NAV2: variants seen among roughly 807,000 people sequenced by gnomAD.
NAV2 encodes the protein neuron navigator 2.
Under a neutral mutation model 223.2 loss-of-function variants are expected in NAV2, and 54 were observed. That is an observed-to-expected ratio of 0.24 (90% CI 0.19 to 0.30). NAV2 has a LOEUF of 0.30. NAV2 is among the 10% of genes least tolerant of loss of function. NAV2 has a pLI of 1.00. For synonymous variants in NAV2, 1,279 were observed against 1,239.3 expected, an observed-to-expected ratio of 1.03 and a Z score of -0.67; for missense variants, 2,806 against 3,147.5, an observed-to-expected ratio of 0.89 and a Z score of 2.60.
At chr11:19,353,556 A>AG (rs1288062659) in intron 1 of NAV2, among the ~76,000 whole-genome samples, 1 of 152,238 alleles carries the variant, frequency 6.6e-6, no homozygotes, top group Non-Finnish European at 1.5e-5. Context: ...TTTTCAACAT[A>AG]GGACAATGGG....
intron 1 of NAV2, chr11:19,760,014 G>T: frequency 6.5e-6 from 1 of 154,116 alleles, no homozygotes; most frequent in Middle Eastern, 5.5e-4. Flanking sequence ...CAAATACATA[G>T]GTGTTATCCT....
intron 1 of NAV2, among the ~76,000 whole-genome samples, chr11:19,701,372 G>T (rs1187421757): frequency 6.6e-6 from 1 of 152,184 alleles, no homozygotes; most frequent in African/African-American, 2.4e-5. Flanking sequence ...TCGGCCAGCC[G>T]CCTTTGAAAA....
At chr11:19,394,026 G>A (rs1849352508) in intron 1 of NAV2, among the ~76,000 whole-genome samples, 1 of 151,712 alleles carries the variant, frequency 6.6e-6, no homozygotes, top group Non-Finnish European at 1.5e-5. Flanking sequence ...AGAGGCAGCA[G>A]TGTTGAAGAC....
chr11:19,765,881 C>A (rs1396372680), intron 1 of NAV2, among the ~76,000 whole-genome samples: 1 of 152,126 alleles, frequency 6.6e-6, no homozygotes, highest in African/African-American at 2.4e-5. Flanking sequence ...CACTCCACCC[C>A]AAGGACATGC....
intron 37 of NAV2, among the ~76,000 whole-genome samples, chr11:20,117,756 T>C (rs1466502746): frequency 6.6e-6 from 1 of 152,218 alleles, no homozygotes; most frequent in Non-Finnish European, 1.5e-5. Context: ...GGGCTAGGCC[T>C]GAAAGGTGTG....
intron 10 of NAV2, among the ~76,000 whole-genome samples, chr11:19,975,029 C>T (rs895445049): frequency 6.6e-6 from 1 of 152,218 alleles, no homozygotes; most frequent in African/African-American, 2.4e-5. Context: ...CATCTCCTTT[C>T]ACCATCTGTT....
At chr11:20,011,739 G>A (rs761065003) in intron 11 of NAV2, among the ~76,000 whole-genome samples, 1 of 152,230 alleles carries the variant, frequency 6.6e-6, no homozygotes, top group Non-Finnish European at 1.5e-5. Flanking sequence ...AGTACAGCAT[G>A]AGCATTTTTC....
intron 3 of NAV2, among the ~76,000 whole-genome samples, 182 bp from the exon 4 acceptor site, chr11:19,868,743 A>G (rs992691205): frequency 6.6e-6 from 1 of 152,172 alleles, no homozygotes; most frequent in African/African-American, 2.4e-5. Context: ...TTTTGGCACT[A>G]TGTGGTTGGG....
At chr11:19,858,837 G>A (rs1186172160) in intron 3 of NAV2, among the ~76,000 whole-genome samples, 1 of 152,190 alleles carries the variant, frequency 6.6e-6, no homozygotes, top group African/African-American at 2.4e-5. Context: ...ACAAGTCTCA[G>A]AGTGTCTCAC....
intron 36 of NAV2, among the ~76,000 whole-genome samples, chr11:20,112,161 T>G (rs2153721714): frequency 6.6e-6 from 1 of 152,320 alleles, no homozygotes; most frequent in South Asian, 2.1e-4. Flanking sequence ...AGCAGCCTTC[T>G]TCTGCTCCAA....
chr11:19,526,872 G>A (rs2043857428), intron 1 of NAV2, among the ~76,000 whole-genome samples: 1 of 152,162 alleles, frequency 6.6e-6, no homozygotes, highest in Non-Finnish European at 1.5e-5. Context: ...TGTACCCACA[G>A]ACCTTGGGAG....
intron 11 of NAV2, chr11:20,023,010 C>T (rs1175185581): frequency 2.7e-6 from 4 of 1,509,114 alleles, no homozygotes; most frequent in East Asian, 4.9e-5. Flanking sequence ...TTCCCTGGCC[C>T]AGTGTGGGCT....
At chr11:19,924,295 TAA>T (rs76734395) in intron 6 of NAV2, among the ~76,000 whole-genome samples, 6 of 129,636 alleles carry the variant, frequency 4.6e-5, no homozygotes, top group East Asian at 2.3e-4. Context: ...GGTAATTCTT[TAA>T]AAAAAAAAAA....
Position 20,045,349 on chromosome 11 carries a change from C to T in NAV2, c.3581C>T (p.Pro1194Leu), listed in dbSNP as rs1444612334. 3 of 1,614,112 alleles carry T rather than the reference C, an allele frequency of 1.9e-6. No individual in the cohort carries two copies. Among genetic ancestry groups the T allele is most frequent in the Non-Finnish European group, 2.5e-6 (3 of 1,180,012 alleles). The stretch of plus-strand genomic sequence containing the variant: ...ACAAACCTTCAGTACCGGAGTTTGC[C>T]GAGGCCCAGTAAGTCCAACAGCCGG... The part of the protein sequence containing the change: ...SRTNLQYRSL[P>L]RPSKSNSRNG... The change falls in exon 14 of 38, where the codon CCG becomes CTG. Residue 1194 changes from proline to leucine, a missense_variant. This residue lies in a region of NAV2 where 742 missense variants were observed against 777.9 expected (regional missense o/e 0.95). Transcript: ENST00000349880.
chr11:19,592,622 A>G (rs939511374), intron 1 of NAV2, among the ~76,000 whole-genome samples: 5 of 152,172 alleles, frequency 3.3e-5, no homozygotes, highest in African/African-American at 1.2e-4. Context: ...GGGTAAGCAA[A>G]CTTAGACAAG....
intron 1 of NAV2, among the ~76,000 whole-genome samples, chr11:19,364,169 T>C (rs896400897): frequency 6.6e-6 from 1 of 152,168 alleles, no homozygotes; most frequent in Admixed American, 6.5e-5. Flanking sequence ...AGTCACCTCC[T>C]TAACATAAAC....
chr11:19,962,104 T>C (rs1340155084), intron 10 of NAV2, among the ~76,000 whole-genome samples: 1 of 151,238 alleles, frequency 6.6e-6, no homozygotes, highest in African/African-American at 2.4e-5. Context: ...CAACATCAAC[T>C]CCTCCCTGGG....
chr11:19,903,175 G>C (rs1235791606), intron 6 of NAV2, among the ~76,000 whole-genome samples: 1 of 152,194 alleles, frequency 6.6e-6, no homozygotes, highest in African/African-American at 2.4e-5. Context: ...ACGTGCCAGG[G>C]AGCCGTCTTC....
intron 1 of NAV2, among the ~76,000 whole-genome samples, chr11:19,808,906 A>G (rs1374248551): frequency 6.6e-6 from 1 of 152,234 alleles, no homozygotes; most frequent in East Asian, 1.9e-4. Flanking sequence ...TCTTACATCA[A>G]GTAAACTTGA....
Sources: gnomAD v4.1 joint callset for allele counts (sites outside exome capture counted in the v4.1 genomes callset) on GRCh38, gnomAD v4.1.1 for gene constraint, gnomAD v4.1.1 regional missense constraint, MANE v1.5 for transcripts, NCBI Gene and HGNC (gene_info 2026-07-23, HGNC 2026-07-21) for gene names.